CLCN5: variants seen among roughly 807,000 people sequenced by gnomAD.
CLCN5 encodes the protein H(+)/Cl(-) exchange transporter 5.
CLCN5 carries 17 observed loss-of-function variants against 54.0 expected under a neutral mutation model. The observed-to-expected ratio is 0.31, with a 90% confidence interval of 0.22 to 0.47. CLCN5 has a LOEUF of 0.47. Among genes scored for constraint, CLCN5 ranks in the 20% least tolerant of loss-of-function variants. The pLI is 1.00. For synonymous variants in CLCN5, 222 were observed against 233.0 expected (o/e 0.95, Z 0.43); for missense variants, 448 against 646.7 (o/e 0.69, Z 3.33).
intron 3 of CLCN5, among the ~76,000 whole-genome samples, chrX:49,948,838 TA>T (rs1487990266): frequency 4.4e-5 from 5 of 112,394 alleles, no homozygotes; most frequent in Non-Finnish European, 9.4e-5. Context: ...TTGTAAAATA[TA>T]AATATCTTAA....
At chrX:50,039,917 T>G (rs1932153013) in intron 3 of CLCN5, among the ~76,000 whole-genome samples, 1 of 111,578 alleles carries the variant, frequency 9.0e-6, no homozygotes. Context: ...GGTCTCGAAC[T>G]CCTGACCTCA....
At chrX:49,976,041 C>T (rs1602002483) in intron 3 of CLCN5, among the ~76,000 whole-genome samples, 1 of 111,842 alleles carries the variant, frequency 8.9e-6, no homozygotes, top group African/African-American at 3.2e-5. Flanking sequence ...GTGCACAGGA[C>T]AGCCCCCCAC....
At chrX:49,953,379 C>T (rs145119664) in intron 3 of CLCN5, among the ~76,000 whole-genome samples, 1,200 of 111,856 alleles carry the variant, frequency 0.011, 10 homozygotes, top group African/African-American at 0.037. Flanking sequence ...GATCACAGCT[C>T]ATTGCAATCT....
At chrX:49,954,124 T>A (rs1471266436) in intron 3 of CLCN5, among the ~76,000 whole-genome samples, 1 of 111,714 alleles carries the variant, frequency 9.0e-6, no homozygotes, top group Non-Finnish European at 1.9e-5. Flanking sequence ...TTTTCCACTT[T>A]TATACAGTCA....
intron 3 of CLCN5, among the ~76,000 whole-genome samples, chrX:50,008,211 C>T (rs1235896083): frequency 8.9e-6 from 1 of 112,288 alleles, no homozygotes; most frequent in Non-Finnish European, 1.9e-5. Flanking sequence ...TTCATTCTCT[C>T]TTTCCTCCCT....
intron 3 of CLCN5, among the ~76,000 whole-genome samples, chrX:49,936,867 A>G (rs1158884588): frequency 1.8e-5 from 2 of 112,254 alleles, no homozygotes; most frequent in African/African-American, 3.2e-5. Context: ...ATTAATGTAC[A>G]GCATGAGAGA....
rs1268074617 is a variant in CLCN5, at chrX:50,029,805, A to G, written c.17-12511A>G. On this transcript the variant is annotated intron_variant, in intron 3 of 14. Coordinates refer to ENST00000376091, the MANE Select transcript of CLCN5 (RefSeq NM_001127898.4). ...GTTGGTGGGACTGTAAAGTAGTTCA[A>G]CCGTTGTGGAAGTTGGTGTGGCGAT... 2.7e-5 allele frequency among the ~76,000 whole-genome samples: 3 copies of G among 112,176 alleles called. No individual in the cohort carries two copies. The East Asian group carries it at 8.4e-4, about 31-fold the overall frequency.
At chrX:50,080,224 T>TG (rs372023556) in intron 7 of CLCN5, among the ~76,000 whole-genome samples, 16 of 111,090 alleles carry the variant, frequency 1.4e-4, no homozygotes, top group South Asian at 7.7e-4. Context: ...CCAAAAAAGC[T>TG]GGGGGGGTGC....
chrX:49,976,886 A>G lies in CLCN5; in HGVS notation c.16+51572A>G, dbSNP rs145982166. Among the ~76,000 whole-genome samples, 809 of 111,274 alleles carry G rather than the reference A, an allele frequency of 7.3e-3. 12 individuals are homozygous for G. Among genetic ancestry groups the G allele is most frequent in the African/African-American group, 0.026 (786 of 30,572 alleles). On this transcript the variant is annotated intron_variant, in intron 3 of 14. Transcript: ENST00000376091. ...GGTTGTTTGGTGGAATTTCTAGGAAAAGCAAGGCAGATGCACTTAGGCTAA... is the reference window on the plus strand; with the variant it reads ...GGTTGTTTGGTGGAATTTCTAGGAAGAGCAAGGCAGATGCACTTAGGCTAA...
chrX:49,987,732 T>C (rs2147351754), intron 3 of CLCN5, among the ~76,000 whole-genome samples: 1 of 111,290 alleles, frequency 9.0e-6, no homozygotes, highest in East Asian at 2.8e-4. Flanking sequence ...TTAATTAGGC[T>C]CTATTAAATC....
At chrX:49,987,674 G>C (rs1929049844) in intron 3 of CLCN5, among the ~76,000 whole-genome samples, 1 of 111,245 alleles carries the variant, frequency 9.0e-6, no homozygotes, top group Admixed American at 9.6e-5. Context: ...TGTTTTCAAG[G>C]CATAATAAAA....
Position 50,096,575 on chromosome X carries a change from C to T in CLCN5, c.*4356C>T, listed in dbSNP as rs1934268612. On this transcript the variant is annotated 3_prime_UTR_variant, in exon 15 of 15. Coordinates refer to ENST00000376091, the MANE Select transcript of CLCN5 (RefSeq NM_001127898.4). Reference sequence around the variant, plus strand: ...CTCGTGATCCACCCATCTCGGCCTCCCAAAGTGCTGGGATTATAGGTGTGA... The same window carrying T: ...CTCGTGATCCACCCATCTCGGCCTCTCAAAGTGCTGGGATTATAGGTGTGA... The T allele has an allele frequency of 1.8e-5, 2 of 112,524 alleles. No homozygotes were observed. The highest frequency in any genetic ancestry group is 7.5e-4 in the South Asian group (2 of 2,660). The allele number at this position is 112,524 out of a possible 1,213,427, so 9.3% of individuals were successfully genotyped here.
At chrX:50,083,819 ATAT>A (rs1280578100) in intron 9 of CLCN5, among the ~76,000 whole-genome samples, 2 of 112,366 alleles carry the variant, frequency 1.8e-5, no homozygotes, top group African/African-American at 6.5e-5. Context: ...TTTTAAAAAA[ATAT>A]TATAATGGTT....
chrX:50,016,414 T>G (rs1930791913), intron 3 of CLCN5, among the ~76,000 whole-genome samples: 1 of 110,834 alleles, frequency 9.0e-6, no homozygotes, highest in Non-Finnish European at 1.9e-5. Context: ...GAATGGAAAG[T>G]ATAGAGTTGT....
intron 3 of CLCN5, among the ~76,000 whole-genome samples, chrX:50,025,383 C>T (rs969781406): frequency 5.0e-4 from 46 of 91,640 alleles, no homozygotes; most frequent in African/African-American, 1.8e-3. Context: ...CTGTCTGGCA[C>T]TCCCTAGTGA....
At chrX:49,980,087 T>A (rs1928662892) in intron 3 of CLCN5, among the ~76,000 whole-genome samples, 1 of 111,590 alleles carries the variant, frequency 9.0e-6, no homozygotes, top group Non-Finnish European at 1.9e-5. Context: ...GTTAAAGATA[T>A]AAATATACCT....
At chrX:50,066,916 T>C (rs936001025) in intron 4 of CLCN5, among the ~76,000 whole-genome samples, 19 of 102,890 alleles carry the variant, frequency 1.8e-4, no homozygotes, top group Non-Finnish European at 3.6e-4. Flanking sequence ...AATTATGATT[T>C]GTACATAAGC....
chrX:49,951,952 G>T (rs1557173078), intron 3 of CLCN5, among the ~76,000 whole-genome samples: 1 of 112,164 alleles, frequency 8.9e-6, no homozygotes, highest in Non-Finnish European at 1.9e-5. Context: ...GCTTATCTAA[G>T]TCTTTTGGTT....
Position 50,072,593 on chromosome X carries a change from G to A in CLCN5, c.415+5G>A. 8.6e-7 allele frequency: 1 copy of A among 1,166,506 alleles called. No homozygotes were observed. The highest frequency in any genetic ancestry group is 1.2e-6 in the Non-Finnish European group (1 of 854,734). On this transcript the variant is annotated splice_donor_5th_base_variant and intron_variant, in intron 6 of 14. Transcript: ENST00000376091. ...TCCTTATTGGGCTTTTATCAGGTAT[G>A]GTAAACTGTTAGTTTTCAAAACAAA...
Sources: allele counts gnomAD v4.1 joint callset (sites outside exome capture counted in the v4.1 genomes callset), GRCh38; gene constraint gnomAD v4.1.1; transcripts MANE v1.5; gene names NCBI Gene and HGNC (gene_info 2026-07-23, HGNC 2026-07-21).